TBC1D15: variants seen among roughly 807,000 people sequenced by gnomAD.
TBC1D15 encodes GAP for RAB7.
TBC1D15 carries 39 observed loss-of-function variants against 95.4 expected under a neutral mutation model. The observed-to-expected ratio is 0.41, with a 90% CI of 0.32 to 0.53. TBC1D15 has a LOEUF of 0.53. Among genes scored for constraint, TBC1D15 ranks in the 20% least tolerant of loss-of-function variants. The pLI, the probability that TBC1D15 is intolerant of heterozygous loss-of-function variation, is 0.29. For missense variants in TBC1D15, 733 were observed against 794.3 expected, an observed-to-expected ratio of 0.92 and a Z score of 0.93; for synonymous variants, 258 against 261.3, an observed-to-expected ratio of 0.99 and a Z score of 0.12.
chr12:71,921,408 T>C lies in TBC1D15; in HGVS notation c.1757T>C (p.Ile586Thr), dbSNP rs143075802. ...TCCATGAAAATTGATGTGGAAGATA[T>C]ACTCTGCAAGGCAGAAGCAATTTCT... ...ELSMKIDVEDILCKAEAISLQ... is the reference protein window; with the variant it reads ...ELSMKIDVEDTLCKAEAISLQ... Residue 586 changes from isoleucine to threonine, a missense_variant, in exon 16 of 17, where the codon ATA (isoleucine) becomes ACA (threonine). Physicochemically the swap from Ile to Thr is moderately conservative, Grantham distance 89. Transcript: ENST00000485960. 54 of 1,569,210 alleles carry C rather than the reference T, an allele frequency of 3.4e-5. No individual in the cohort carries two copies. Among genetic ancestry groups the C allele is most frequent in the Middle Eastern group, 1.7e-4 (1 of 5,918 alleles).
intron 5 of TBC1D15, among the ~76,000 whole-genome samples, chr12:71,888,641 G>T (rs1896690976): frequency 6.6e-6 from 1 of 152,126 alleles, no homozygotes; most frequent in Non-Finnish European, 1.5e-5. Flanking sequence ...GGATGTGAAT[G>T]AGAGCAGAAT....
intron 1 of TBC1D15, among the ~76,000 whole-genome samples, chr12:71,842,850 GAAAA>G (rs1885381873): frequency 7.1e-6 from 1 of 140,632 alleles, no homozygotes. Flanking sequence ...AAAAAAAAAA[GAAAA>G]GAAAAAGAAA....
At chr12:71,879,336 T>C (rs191684230) in intron 3 of TBC1D15, among the ~76,000 whole-genome samples, 1 of 152,230 alleles carries the variant, frequency 6.6e-6, no homozygotes, top group East Asian at 1.9e-4. Context: ...AGTTTTACCA[T>C]GTTGGCCAGG....
Position 71,839,799 on chromosome 12 carries a change from T to A in TBC1D15, c.18T>A (p.Val6=), listed in dbSNP as rs779601616. ...CAGGAAACATGGCGGCGGCGGGTGT[T>A]GTGAGCGGGAAGGTAGGTAACGGCC... MAAAG[V]VSGKIIYEQE... is the part of the protein sequence containing the mutation. The change falls in exon 1 of 17, where the codon GTT becomes GTA. Residue 6 remains valine, a synonymous_variant. Transcript: ENST00000485960. 32 of 1,614,056 alleles carry A rather than the reference T, an allele frequency of 2.0e-5. No homozygotes were observed. Among genetic ancestry groups the A allele is most frequent in the Non-Finnish European group, 2.5e-5 (30 of 1,180,032 alleles).
intron 11 of TBC1D15, 130 bp downstream of exon 11, chr12:71,907,268 C>T (rs1900955097): frequency 1.8e-6 from 1 of 542,760 alleles, no homozygotes; most frequent in South Asian, 3.1e-5. Flanking sequence ...CTCCAGGGGA[C>T]TGGAAACTTA....
chr12:71,849,379 C>T (rs1015520481), intron 1 of TBC1D15: 44 of 1,389,520 alleles, frequency 3.2e-5, no homozygotes, highest in African/African-American at 2.7e-4. Context: ...TGAAAGCAGG[C>T]GCCTCCAGCT....
Position 71,923,505 on chromosome 12 carries a change from A to T in TBC1D15, c.*301A>T. On this transcript the variant is annotated 3_prime_UTR_variant, in exon 17 of 17. Transcript: ENST00000485960. The stretch of plus-strand genomic sequence containing the variant: ...ATTGCAAGTGGATGAGTTGGAAATT[A>T]TGCACTTTGAAAAACATTCACTTTG... The T allele has an allele frequency of 3.8e-6, 1 of 265,660 alleles. No individual in the cohort carries two copies. The highest frequency in any genetic ancestry group is 7.2e-6 in the Non-Finnish European group (1 of 139,072). The allele number at this position is 265,660 out of a possible 1,614,324, so 16.5% of individuals were successfully genotyped here. A position where few individuals can be genotyped will look rare whatever the true frequency, so the allele number is the denominator to read the frequency against.
intron 14 of TBC1D15, among the ~76,000 whole-genome samples, chr12:71,920,435 A>G (rs1868859354): frequency 6.6e-6 from 1 of 152,182 alleles, no homozygotes; most frequent in Non-Finnish European, 1.5e-5. Flanking sequence ...TTGTGTCTGT[A>G]GCTCCTGCAT....
intron 12 of TBC1D15, among the ~76,000 whole-genome samples, chr12:71,917,053 T>A (rs551174604): frequency 2.0e-5 from 3 of 152,288 alleles, no homozygotes; most frequent in Non-Finnish European, 4.4e-5. Flanking sequence ...AATGAAAAAT[T>A]TACCGACACA....
intron 15 of TBC1D15, 101 bp from the exon 16 acceptor site, chr12:71,921,267 T>C: frequency 1.9e-6 from 1 of 516,926 alleles, no homozygotes; most frequent in Non-Finnish European, 3.2e-6. Context: ...TTTTAAGGAT[T>C]TTATCTGCAG....
At chr12:71,889,343 A>G (rs1896824327) in intron 5 of TBC1D15, among the ~76,000 whole-genome samples, 1 of 152,174 alleles carries the variant, frequency 6.6e-6, no homozygotes, top group Non-Finnish European at 1.5e-5. Context: ...AGGGCAATTT[A>G]CGTTTTGACC....
chr12:71,895,026 G>A (rs190059686), intron 7 of TBC1D15, 143 bp downstream of exon 7: 1 of 668,928 alleles, frequency 1.5e-6, no homozygotes, highest in East Asian at 2.8e-5. Flanking sequence ...CTGACAATGA[G>A]TGCTTGTCCT....
chr12:71,896,244 T>A, intron 8 of TBC1D15, 169 bp downstream of exon 8: 1 of 571,758 alleles, frequency 1.7e-6, no homozygotes, highest in Non-Finnish European at 2.9e-6. Flanking sequence ...AATGATGCCT[T>A]AAAATTCCTG....
chr12:71,854,424 C>T (rs756119079), intron 1 of TBC1D15: 3 of 387,962 alleles, frequency 7.7e-6, no homozygotes, highest in Non-Finnish European at 1.5e-5. Context: ...CCCCTTCAAT[C>T]GTAGGCTGAA....
chr12:71,869,276 A>G (rs1892162690), intron 1 of TBC1D15, among the ~76,000 whole-genome samples: 1 of 152,234 alleles, frequency 6.6e-6, no homozygotes. Context: ...TAATCCCAGC[A>G]CTTTGAGAGG....
chr12:71,893,262 A>G lies in TBC1D15; in HGVS notation c.595A>G (p.Asn199Asp), dbSNP rs1176305496. 2.5e-6 allele frequency: 4 copies of G among 1,609,526 alleles called. No individual in the cohort carries two copies. Among genetic ancestry groups the G allele is most frequent in the East Asian group, 2.2e-5 (1 of 44,648 alleles). The change falls in exon 6 of 17, where the codon AAT becomes GAT. Residue 199 changes from asparagine to aspartate, a missense_variant. Transcript: ENST00000485960. ...AAGAACACTTCTTGTGAATTGTCAG[A>G]ATAAGAGTCTTTCACAGTCTTTTGA... ...DKRTLLVNCQ[N>D]KSLSQSFENL... is the part of the protein sequence containing the mutation.
chr12:71,863,807 GCT>G (rs1161633721), intron 1 of TBC1D15, among the ~76,000 whole-genome samples: 2 of 151,930 alleles, frequency 1.3e-5, no homozygotes, highest in Non-Finnish European at 2.9e-5. Context: ...TGCTGTTGAA[GCT>G]CTCTTTTATT....
chr12:71,918,372 A>C (rs1256518343), intron 13 of TBC1D15, 79 bp from the exon 14 acceptor site: 3 of 895,980 alleles, frequency 3.3e-6, no homozygotes, highest in Non-Finnish European at 5.1e-6. Flanking sequence ...GATGCATAGG[A>C]AAGTTAGAGA....
At chr12:71,904,590 G>T (rs564497520) in intron 10 of TBC1D15, among the ~76,000 whole-genome samples, 1 of 152,296 alleles carries the variant, frequency 6.6e-6, no homozygotes, top group East Asian at 1.9e-4. Flanking sequence ...GAGTCCTTGG[G>T]TAGTCAATAG....
Sources: gnomAD v4.1 joint callset for allele counts (sites outside exome capture counted in the v4.1 genomes callset) on GRCh38, gnomAD v4.1.1 for gene constraint, MANE v1.5 for transcripts, NCBI Gene and HGNC (gene_info 2026-07-23, HGNC 2026-07-21) for gene names.